Variants in PRKD2 observed in about 807,000 individuals in gnomAD.
PRKD2 encodes the protein serine/threonine-protein kinase D2.
A neutral mutation model predicts 86.0 loss-of-function variants in PRKD2; 22 were observed. The ratio of observed to expected loss-of-function variants is 0.26; its 90% CI spans 0.18 to 0.37. PRKD2 has a LOEUF of 0.37. Ranked by LOEUF, PRKD2 falls within the 10% of genes least tolerant of loss-of-function variation. PRKD2 has a pLI of 1.00. For missense variants in PRKD2, 818 were observed against 1,199.2 expected, an observed-to-expected ratio of 0.68 and a Z score of 4.70; for synonymous variants, 509 against 510.9, an observed-to-expected ratio of 1.00 and a Z score of 0.05.
At chr19:46,694,297 T>C (rs978238625) in intron 9 of PRKD2, among the ~76,000 whole-genome samples, 164 bp from the exon 10 acceptor site, 1 of 152,238 alleles carries the variant, frequency 6.6e-6, no homozygotes, top group African/African-American at 2.4e-5. Context: ...ACTGTTCTTT[T>C]ATAATTACTG....
chr19:46,704,504 A>G lies in PRKD2; in HGVS notation c.657T>C (p.Ala219=). 4 of 1,614,086 alleles carry G rather than the reference A, an allele frequency of 2.5e-6. No homozygotes were observed. The highest frequency in any genetic ancestry group is 3.4e-6 in the Non-Finnish European group (4 of 1,180,018). The change falls in exon 4 of 18, where the codon GCT becomes GCC. Residue 219 remains alanine (A), a synonymous_variant. Coordinates refer to ENST00000291281, the MANE Select transcript of PRKD2 (RefSeq NM_016457.5). ...TCCCCCATCTCCTCACCAGCTCTTC[A>G]GCCGTGCAGGGCAGGGACTCGGAGG... ...LGTSESLPCT[A]EELSRSTTEL...
chr19:46,701,698 T>C (rs1427696978), intron 5 of PRKD2, among the ~76,000 whole-genome samples: 2 of 151,704 alleles, frequency 1.3e-5, no homozygotes, highest in East Asian at 4.0e-4. Context: ...TAATGTGCTG[T>C]GACTCCAGAC....
intron 7 of PRKD2, 149 bp from the exon 8 acceptor site, chr19:46,697,999 C>A (rs904762642): frequency 3.1e-6 from 2 of 651,490 alleles, no homozygotes; most frequent in African/African-American, 3.6e-5. Flanking sequence ...AACACACACC[C>A]GGGAGTTGCT....
At chr19:46,680,093 C>T (rs1345991580) in intron 15 of PRKD2, among the ~76,000 whole-genome samples, 1 of 152,090 alleles carries the variant, frequency 6.6e-6, no homozygotes, top group African/African-American at 2.4e-5. Flanking sequence ...CTCACTGTTG[C>T]TTGCAGGATA....
At chr19:46,714,053 G>A in intron 1 of PRKD2, 52 bp from the exon 2 acceptor site, 1 of 1,592,834 alleles carries the variant, frequency 6.3e-7, no homozygotes, top group South Asian at 1.1e-5. Context: ...GCCGCCTTCA[G>A]CAGCGGGCGG....
In PRKD2 at chr19:46,714,865, C is replaced by T. The variant is rs556841277; in HGVS notation, c.241-864G>A. 2.0e-5 allele frequency among the ~76,000 whole-genome samples: 3 copies of T among 152,266 alleles called. No individual in the cohort carries two copies. In the East Asian group the frequency reaches 5.8e-4, roughly 29 times the overall value. The stretch of plus-strand genomic sequence containing the variant: ...GATTGAGGCATTTGGTGGGCAAAAC[C>T]CTATCAGTTCTCACTGCTAAGAGAG... On this transcript the variant is annotated intron_variant, in intron 1 of 17. Coordinates refer to ENST00000291281, the MANE Select transcript of PRKD2 (RefSeq NM_016457.5).
At chr19:46,682,100 G>A (rs1285420224) in intron 14 of PRKD2, among the ~76,000 whole-genome samples, 2 of 152,012 alleles carry the variant, frequency 1.3e-5, no homozygotes, top group Admixed American at 1.3e-4. Flanking sequence ...TCTACCTCCA[G>A]GGCTCAAGTG....
chr19:46,682,070 G>A (rs2053316319), intron 14 of PRKD2, among the ~76,000 whole-genome samples: 1 of 151,738 alleles, frequency 6.6e-6, no homozygotes, highest in Non-Finnish European at 1.5e-5. Context: ...GCAGTGGCAC[G>A]ATCTCGGCTC....
Position 46,697,144 on chromosome 19 carries a change from C to G in PRKD2, c.1317+13G>C. The G allele has an allele frequency of 5.8e-6, 9 of 1,553,692 alleles. No homozygotes were observed. Among genetic ancestry groups the G allele is most frequent in the Non-Finnish European group, 8.0e-6 (9 of 1,125,206 alleles). On this transcript the variant is annotated intron_variant, in intron 9 of 17. Transcript: ENST00000291281. Reference sequence around the variant, plus strand: ...GCGGGAAGTCCGAGGGAGCTGAAAGCCCGGAGGCTTACCTTATAGTATCTG... The same window carrying G: ...GCGGGAAGTCCGAGGGAGCTGAAAGGCCGGAGGCTTACCTTATAGTATCTG...
In PRKD2 at chr19:46,693,993, C is replaced by T. The variant is rs201552245; in HGVS notation, c.1458G>A (p.Pro486=). ...YFVGEMPGGT[P]GGPSGQGAEA... is the part of the protein sequence containing the mutation. ...CAGCCCCCTGCCCACTTGGCCCACC[C>T]GGAGTCCCGCCAGGCATCTCGCCCA... The change falls in exon 10 of 18, where the codon CCG becomes CCA. Residue 486 remains proline, a synonymous_variant. Transcript: ENST00000291281. The surrounding 1 kb of genome is among the most constrained non-coding windows in gnomAD (Gnocchi z 4.5). The T allele has an allele frequency of 9.3e-6, 15 of 1,613,616 alleles. No individual in the cohort carries two copies. Among genetic ancestry groups the T allele is most frequent in the African/African-American group, 8.0e-5 (6 of 75,068 alleles).
chr19:46,715,183 G>C (rs1373962120), intron 1 of PRKD2, among the ~76,000 whole-genome samples: 2 of 152,160 alleles, frequency 1.3e-5, no homozygotes, highest in Non-Finnish European at 2.9e-5. Context: ...TATTCTAGGA[G>C]TCTGACAAGC....
intron 9 of PRKD2, 98 bp from the exon 10 acceptor site, chr19:46,694,231 T>C: frequency 6.7e-7 from 1 of 1,486,180 alleles, no homozygotes; most frequent in Non-Finnish European, 9.1e-7. Flanking sequence ...TTGATAGGGA[T>C]GGGCCTGGTT....
intron 1 of PRKD2, 118 bp from the exon 2 acceptor site, chr19:46,714,119 G>T: frequency 7.0e-7 from 1 of 1,432,966 alleles, no homozygotes; most frequent in Admixed American, 2.5e-5. Flanking sequence ...CAGAGACCCC[G>T]CAGGCCCTCG....
intron 15 of PRKD2, among the ~76,000 whole-genome samples, chr19:46,679,276 GC>G (rs1420780913): frequency 1.3e-5 from 2 of 152,138 alleles, no homozygotes. Context: ...GTTGCAGTGA[GC>G]CGAGATCGCA....
Position 46,704,428 on chromosome 19 carries a change from G to C in PRKD2, c.667-37C>G, listed in dbSNP as rs376743100. On this transcript the variant is annotated intron_variant, in intron 4 of 17. Transcript: ENST00000291281. ...AAGAATGGAGGGGACACATCAGTGC[G>C]TTGGCCCCATGCCTGGGCCAAGTCA... 1,440 of 1,613,806 alleles carry C rather than the reference G, an allele frequency of 8.9e-4. 13 individuals are homozygous for C. Among genetic ancestry groups the C allele is most frequent in the South Asian group, 1.4e-3 (131 of 91,088 alleles).
At chr19:46,695,427 G>A (rs1003719224) in intron 9 of PRKD2, among the ~76,000 whole-genome samples, 16 of 152,260 alleles carry the variant, frequency 1.1e-4, no homozygotes, top group Non-Finnish European at 1.8e-4. Context: ...AGGTTGCAGT[G>A]AGCCAAGATC....
chr19:46,691,880 G>C, intron 11 of PRKD2, 53 bp downstream of exon 11: 1 of 1,610,556 alleles, frequency 6.2e-7, no homozygotes, highest in Non-Finnish European at 8.5e-7. Flanking sequence ...AGACGAGAGA[G>C]CTGAGGAGGG....
Position 46,716,072 on chromosome 19 carries a change from G to A in PRKD2, c.240+59C>T. The A allele has an allele frequency of 1.9e-6, 3 of 1,589,352 alleles. No homozygotes were observed. The highest frequency in any genetic ancestry group is 2.6e-6 in the Non-Finnish European group (3 of 1,168,634). On this transcript the variant is annotated intron_variant, in intron 1 of 17. Transcript: ENST00000291281. This position sits in a 1 kb window ranked among gnomAD's most constrained non-coding sequence, Gnocchi z 7.9. ...CGCACACCAGGCCCCAGACCCCTCTGCCAGCGCCCCCTCCTTCAACCTCTC... is the reference window on the plus strand; with the variant it reads ...CGCACACCAGGCCCCAGACCCCTCTACCAGCGCCCCCTCCTTCAACCTCTC...
chr19:46,698,996 C>T (rs750009373), intron 7 of PRKD2, among the ~76,000 whole-genome samples: 34 of 152,126 alleles, frequency 2.2e-4, no homozygotes, highest in Non-Finnish European at 3.8e-4. Context: ...AGGGAACCTG[C>T]GGCTTCAGGC....
Sources: gnomAD v4.1 joint callset for allele counts (sites outside exome capture counted in the v4.1 genomes callset) on GRCh38, gnomAD v4.1.1 for gene constraint, Gnocchi (gnomAD v3.1) non-coding constraint, MANE v1.5 for transcripts, NCBI Gene and HGNC (gene_info 2026-07-23, HGNC 2026-07-21) for gene names.